Variants in BRWD3 observed in about 807,000 individuals in gnomAD.
The protein encoded by BRWD3 is bromodomain and WD repeat domain containing 3, also known as bromodomain and WD repeat-containing protein 3.
In BRWD3, 10 loss-of-function variants were observed where a neutral mutation model predicts 149.7. That is an observed-to-expected ratio of 0.07 (90% CI 0.04 to 0.11). The LOEUF (loss-of-function observed/expected upper bound fraction) is 0.11. BRWD3 is among the 10% of genes least tolerant of loss of function. The pLI is 1.00. For synonymous variants in BRWD3, 504 were observed against 456.7 expected (o/e 1.10, Z -1.32); for missense variants, 940 against 1,373.2 (o/e 0.68, Z 4.99).
chrX:80,703,117 C>T (rs753437144), intron 24 of BRWD3, among the ~76,000 whole-genome samples: 1 of 110,768 alleles, frequency 9.0e-6, no homozygotes, highest in South Asian at 3.8e-4. Flanking sequence ...TCAGGTTGAA[C>T]GTGTTTTGTT....
chrX:80,765,420 TAAC>T (rs1281616915), intron 6 of BRWD3, among the ~76,000 whole-genome samples: 3 of 111,772 alleles, frequency 2.7e-5, no homozygotes, highest in Non-Finnish European at 5.6e-5. Context: ...GGCTGGTGAT[TAAC>T]AACAATACAA....
chrX:80,775,854 C>T (rs2073995567), intron 6 of BRWD3, among the ~76,000 whole-genome samples: 1 of 112,011 alleles, frequency 8.9e-6, no homozygotes. Flanking sequence ...ATTTTCATAA[C>T]ATTTTAAAGC....
Position 80,676,544 on chromosome X carries a change from T to C in BRWD3, c.*65A>G. The C allele has an allele frequency of 8.6e-7, 1 of 1,167,749 alleles. No homozygotes were observed. On this transcript the variant is annotated 3_prime_UTR_variant, in exon 41 of 41. Transcript: ENST00000373275. ...CCCCACACAACTTGCTTTGTAGATT[T>C]CCTGGTAAATTCCCTGCAGTAGAAG... is the stretch of plus-strand genomic sequence containing the variant.
chrX:80,701,545 CAAAAAAAA>C (rs140140883), intron 24 of BRWD3, among the ~76,000 whole-genome samples: 4 of 24,183 alleles, frequency 1.7e-4, no homozygotes, highest in African/African-American at 7.1e-4. Flanking sequence ...CGAGACTCGT[CAAAAAAAA>C]AAAAAAAAAA....
chrX:80,795,981 A>G (rs1175762835), intron 4 of BRWD3, among the ~76,000 whole-genome samples: 2 of 110,427 alleles, frequency 1.8e-5, no homozygotes, highest in Non-Finnish European at 3.8e-5. Flanking sequence ...ATCTCTGGTG[A>G]TCACCATGAG....
chrX:80,797,817 C>T (rs939488464), intron 4 of BRWD3, among the ~76,000 whole-genome samples: 17 of 111,151 alleles, frequency 1.5e-4, no homozygotes, highest in Admixed American at 1.4e-3. Context: ...ATTATATGGC[C>T]GGGTGCAGTG....
rs2072492917 is a variant in BRWD3, at chrX:80,684,289, C to T, written c.4081-127G>A. On this transcript the variant is annotated intron_variant, in intron 36 of 40. Coordinates refer to ENST00000373275, the MANE Select transcript of BRWD3 (RefSeq NM_153252.5). ...CATTGCTTTTCAATGTGCCAACTACCTCCCCACAACCCCAAAACATCTTTT... is the reference window on the plus strand; with the variant it reads ...CATTGCTTTTCAATGTGCCAACTACTTCCCCACAACCCCAAAACATCTTTT... The T allele has an allele frequency of 6.9e-6, 4 of 580,534 alleles. No homozygotes were observed. The Admixed American group carries it at 9.3e-5, about 13-fold the overall frequency. 47.8% of individuals were successfully genotyped at this position (580,534 alleles called of 1,213,427 possible). A position where few individuals can be genotyped will look rare whatever the true frequency, so the allele number is the denominator to read the frequency against.
intron 2 of BRWD3, 86 bp downstream of exon 2, chrX:80,809,160 C>A (rs2074383337): frequency 8.8e-6 from 10 of 1,140,779 alleles, no homozygotes; most frequent in Non-Finnish European, 1.2e-5. Context: ...CTTTCCCTCA[C>A]CCTCAACGGA....
rs771409359 is a variant in BRWD3, at chrX:80,682,733, T to C, written c.4234-105A>G. On this transcript the variant is annotated intron_variant, in intron 37 of 40. Coordinates refer to ENST00000373275, the MANE Select transcript of BRWD3 (RefSeq NM_153252.5). ...GCATCATCATTACAGACAAAATATC[T>C]GTTCACTTGAAAAATTCTTCTCAAA... 1.1e-4 allele frequency: 88 copies of C among 782,178 alleles called. No homozygotes were observed. In the African/African-American group the frequency reaches 1.4e-3, roughly 12 times the overall value. 64.5% of individuals were successfully genotyped at this position (782,178 alleles called of 1,213,427 possible). A position where few individuals can be genotyped will look rare whatever the true frequency, so the allele number is the denominator to read the frequency against.
At chrX:80,731,427 A>C (rs966047788) in intron 12 of BRWD3, among the ~76,000 whole-genome samples, 1 of 111,590 alleles carries the variant, frequency 9.0e-6, no homozygotes, top group Admixed American at 9.5e-5. Flanking sequence ...AACTCAGTAT[A>C]ATGCAGTCAA....
intron 8 of BRWD3, among the ~76,000 whole-genome samples, chrX:80,739,454 T>C (rs765879408): frequency 8.1e-5 from 9 of 111,543 alleles, no homozygotes; most frequent in African/African-American, 2.9e-4. Flanking sequence ...AGATGGAAGT[T>C]TGAGAATCAT....
In BRWD3 at chrX:80,703,475, A is replaced by G. The variant is rs771096487; in HGVS notation, c.2835+5T>C. 1 of 1,170,533 alleles carries G rather than the reference A, an allele frequency of 8.5e-7. No homozygotes were observed. The highest frequency in any genetic ancestry group is 1.8e-5 in the African/African-American group (1 of 56,269). On this transcript the variant is annotated splice_donor_5th_base_variant and intron_variant, in intron 24 of 40. Coordinates refer to ENST00000373275, the MANE Select transcript of BRWD3 (RefSeq NM_153252.5). The stretch of plus-strand genomic sequence containing the variant: ...CAGAAAAAGGTTATAACAGGTAATA[A>G]TTACCTCATCTCCCATTTGTGGGAC...
At chrX:80,781,254 G>A (rs1242281371) in intron 6 of BRWD3, among the ~76,000 whole-genome samples, 1 of 111,473 alleles carries the variant, frequency 9.0e-6, no homozygotes, top group Non-Finnish European at 1.9e-5. Flanking sequence ...TTGCTGGCTC[G>A]AATGCCTGGG....
At chrX:80,804,629 T>C (rs1218932654) in intron 4 of BRWD3, among the ~76,000 whole-genome samples, 2 of 111,951 alleles carry the variant, frequency 1.8e-5, no homozygotes, top group Admixed American at 9.5e-5. Flanking sequence ...CATTTCAATA[T>C]ATAAAACTTA....
At chrX:80,730,423 A>AAGAAAGAG (rs2073311264) in intron 12 of BRWD3, among the ~76,000 whole-genome samples, 2 of 109,518 alleles carry the variant, frequency 1.8e-5, no homozygotes, top group Admixed American at 2.0e-4. Context: ...GAAAGAAAGA[A>AAGAAAGAG]AGAAAGAAAG....
At chrX:80,715,026 T>G (rs1348871871) in intron 20 of BRWD3, among the ~76,000 whole-genome samples, 4 of 111,895 alleles carry the variant, frequency 3.6e-5, no homozygotes, top group African/African-American at 6.5e-5. Context: ...GCTGCAATCC[T>G]AGAATGTAAT....
chrX:80,803,470 T>C (rs1023212305), intron 4 of BRWD3, among the ~76,000 whole-genome samples: 8 of 111,461 alleles, frequency 7.2e-5, no homozygotes, highest in Admixed American at 1.9e-4. Flanking sequence ...GTACGTTCCT[T>C]AGAGCCCATC....
At chrX:80,792,670 T>C (rs1488498642) in intron 5 of BRWD3, among the ~76,000 whole-genome samples, 1 of 111,672 alleles carries the variant, frequency 9.0e-6, no homozygotes, top group East Asian at 2.8e-4. Context: ...TTTAAAATAG[T>C]ATGCTAATTA....
chrX:80,763,776 T>C (rs184067645), intron 6 of BRWD3, among the ~76,000 whole-genome samples: 2 of 112,145 alleles, frequency 1.8e-5, no homozygotes, highest in East Asian at 2.8e-4. Context: ...TGTTCATGGA[T>C]TGGAAAGTTT....
Sources: gnomAD v4.1 joint callset for allele counts (sites outside exome capture counted in the v4.1 genomes callset) on GRCh38, gnomAD v4.1.1 for gene constraint, MANE v1.5 for transcripts, NCBI Gene and HGNC (gene_info 2026-07-23, HGNC 2026-07-21) for gene names.